Variants in IQGAP2 observed in about 807,000 individuals in gnomAD.
The protein encoded by IQGAP2 is ras GTPase-activating-like protein IQGAP2.
A neutral mutation model predicts 201.3 loss-of-function variants in IQGAP2; 173 were observed. The ratio of observed to expected loss-of-function variants is 0.86; its 90% CI spans 0.76 to 0.98. The LOEUF (loss-of-function observed/expected upper bound fraction) is 0.98, where lower values mean the gene tolerates loss of function less well. IQGAP2 is among the 50% of genes least tolerant of loss of function. The probability of loss-of-function intolerance (pLI) is 0.00; values close to 1 mark genes in which losing one functional copy is unlikely to be tolerated. For synonymous variants in IQGAP2, 675 were observed against 673.9 expected, an observed-to-expected ratio of 1.00 and a Z score of -0.03; for missense variants, 1,687 against 1,864.8, an observed-to-expected ratio of 0.90 and a Z score of 1.76.
chr5:76,667,627 C>A (rs1471238457), intron 22 of IQGAP2, among the ~76,000 whole-genome samples: 2 of 152,120 alleles, frequency 1.3e-5, no homozygotes, highest in Admixed American at 6.5e-5. Flanking sequence ...ATTTTAAGTT[C>A]TTTGTTGTTT....
intron 1 of IQGAP2, among the ~76,000 whole-genome samples, chr5:76,416,045 C>T (rs1338475201): frequency 3.9e-5 from 6 of 151,906 alleles, no homozygotes; most frequent in Admixed American, 2.6e-4. Context: ...GGTTGTGACA[C>T]GAAAGTGGAG....
chr5:76,517,745 C>T (rs187741986), intron 2 of IQGAP2, among the ~76,000 whole-genome samples: 6 of 151,928 alleles, frequency 3.9e-5, no homozygotes, highest in South Asian at 4.2e-4. Context: ...CCATCGCATA[C>T]GAGTATGCGA....
chr5:76,704,133 AT>A (rs1747671571), intron 35 of IQGAP2, among the ~76,000 whole-genome samples: 1 of 152,260 alleles, frequency 6.6e-6, no homozygotes, highest in African/African-American at 2.4e-5. Flanking sequence ...CTTACTTTAA[AT>A]GTCACTAAAT....
At chr5:76,582,698 T>A (rs1745953747) in intron 5 of IQGAP2, among the ~76,000 whole-genome samples, 2 of 152,196 alleles carry the variant, frequency 1.3e-5, no homozygotes, top group Non-Finnish European at 2.9e-5. Context: ...AGTTTTATCT[T>A]GAAAGTGGTA....
At chr5:76,677,152 T>C in intron 27 of IQGAP2, 66 bp from the exon 28 acceptor site, 1 of 1,459,988 alleles carries the variant, frequency 6.8e-7, no homozygotes, top group Non-Finnish European at 9.4e-7. Flanking sequence ...ATTTCCTAGC[T>C]ATTTTGATGA....
intron 30 of IQGAP2, among the ~76,000 whole-genome samples, chr5:76,686,676 AT>A (rs1171235362): frequency 1.3e-5 from 2 of 151,710 alleles, no homozygotes; most frequent in Non-Finnish European, 2.9e-5. Flanking sequence ...TGCCCAGCTA[AT>A]TTTTTGTGTT....
chr5:76,480,073 C>T (rs1293207913), intron 2 of IQGAP2, among the ~76,000 whole-genome samples: 1 of 151,942 alleles, frequency 6.6e-6, no homozygotes, highest in Non-Finnish European at 1.5e-5. Context: ...ACATTTGTGC[C>T]ACTTTACGCA....
At chr5:76,458,146 G>A (rs1374090736) in intron 1 of IQGAP2, among the ~76,000 whole-genome samples, 2 of 152,128 alleles carry the variant, frequency 1.3e-5, no homozygotes, top group Non-Finnish European at 2.9e-5. Context: ...CCTTAGTTCC[G>A]GCCCTGGCTT....
intron 10 of IQGAP2, among the ~76,000 whole-genome samples, chr5:76,598,791 A>G (rs937863772): frequency 6.6e-6 from 1 of 152,232 alleles, no homozygotes; most frequent in Non-Finnish European, 1.5e-5. Flanking sequence ...CAAATGTTTA[A>G]TTAATAACAG....
intron 2 of IQGAP2, among the ~76,000 whole-genome samples, chr5:76,518,952 TTTA>T (rs1265184426): frequency 2.6e-5 from 4 of 152,202 alleles, no homozygotes; most frequent in South Asian, 2.1e-4. Context: ...CTATTATAAA[TTTA>T]TTATCTTAAA....
At chr5:76,685,068 G>C (rs1745619025) in intron 30 of IQGAP2, among the ~76,000 whole-genome samples, 1 of 152,174 alleles carries the variant, frequency 6.6e-6, no homozygotes, top group African/African-American at 2.4e-5. Context: ...CTGTCTTACA[G>C]GGGTGGAGAG....
chr5:76,460,294 A>G (rs965431578), intron 1 of IQGAP2, among the ~76,000 whole-genome samples: 1 of 152,142 alleles, frequency 6.6e-6, no homozygotes, highest in Non-Finnish European at 1.5e-5. Context: ...CTTTCCAGGC[A>G]GAGAGAAGGG....
chr5:76,705,100 C>A (rs537746793), intron 35 of IQGAP2, among the ~76,000 whole-genome samples: 3 of 152,204 alleles, frequency 2.0e-5, no homozygotes, highest in Non-Finnish European at 4.4e-5. Flanking sequence ...CAGGGTGGGC[C>A]TTCTTCCTCT....
At chr5:76,527,764 A>G (rs914148879) in intron 2 of IQGAP2, among the ~76,000 whole-genome samples, 2 of 152,284 alleles carry the variant, frequency 1.3e-5, no homozygotes, top group Non-Finnish European at 1.5e-5. Context: ...AAGGGAAGAA[A>G]TGTCTTATCT....
At chr5:76,698,220 C>T in intron 33 of IQGAP2, 73 bp downstream of exon 33, 2 of 1,223,574 alleles carry the variant, frequency 1.6e-6, no homozygotes, top group Non-Finnish European at 1.1e-6. Context: ...TGTTTCTAGG[C>T]AGTTGGGTTG....
At chr5:76,649,311 G>C (rs1187370852) in intron 17 of IQGAP2, among the ~76,000 whole-genome samples, 2 of 152,124 alleles carry the variant, frequency 1.3e-5, no homozygotes, top group Non-Finnish European at 2.9e-5. Flanking sequence ...GTAGAACCTG[G>C]AGAGAAAATA....
intron 1 of IQGAP2, among the ~76,000 whole-genome samples, chr5:76,414,077 C>A (rs1751284588): frequency 6.6e-6 from 1 of 152,176 alleles, no homozygotes; most frequent in South Asian, 2.1e-4. Context: ...AATCGAAAAC[C>A]TGGGCCGCAA....
intron 6 of IQGAP2, 34 bp from the exon 7 acceptor site, chr5:76,589,581 T>G (rs374025250): frequency 2.2e-5 from 27 of 1,219,928 alleles, no homozygotes; most frequent in Non-Finnish European, 4.7e-6. Flanking sequence ...TAGCTTTCTC[T>G]GATAATGATT....
chr5:76,674,759 A>G, intron 27 of IQGAP2, 50 bp downstream of exon 27: 1 of 1,316,562 alleles, frequency 7.6e-7, no homozygotes. Context: ...GGTAGGCAAG[A>G]ATAATATGTG....
Sources: gnomAD v4.1 joint callset for allele counts (sites outside exome capture counted in the v4.1 genomes callset) on GRCh38, gnomAD v4.1.1 for gene constraint, MANE v1.5 for transcripts, NCBI Gene and HGNC (gene_info 2026-07-23, HGNC 2026-07-21) for gene names.